Variants in PRELID2 observed in about 807,000 individuals in gnomAD.
The protein encoded by PRELID2 is PRELI domain-containing protein 2.
In PRELID2, 25 loss-of-function variants were observed where a neutral mutation model predicts 28.4. That is an observed-to-expected ratio of 0.88 (90% CI 0.64 to 1.23). The LOEUF is 1.23. PRELID2 is among the 50% of genes most tolerant of loss of function. The pLI is 0.00. For synonymous variants in PRELID2, 76 were observed against 71.6 expected (o/e 1.06, Z -0.31); for missense variants, 201 against 214.4 (o/e 0.94, Z 0.39).
intron 1 of PRELID2, among the ~76,000 whole-genome samples, chr5:145,670,985 T>C (rs1204365873): frequency 1.3e-5 from 2 of 152,190 alleles, no homozygotes; most frequent in Non-Finnish European, 2.9e-5. Flanking sequence ...TCTCTGAGCA[T>C]CAATTATTTC....
intron 1 of PRELID2, among the ~76,000 whole-genome samples, chr5:145,568,217 G>A (rs1291845461): frequency 6.6e-6 from 1 of 152,180 alleles, no homozygotes; most frequent in Non-Finnish European, 1.5e-5. Flanking sequence ...AGGGAGTGAG[G>A]AAGAGGCCAA....
intron 5 of PRELID2, 80 bp downstream of exon 5, chr5:145,796,362 A>G: frequency 1.2e-6 from 1 of 807,132 alleles, no homozygotes; most frequent in South Asian, 1.8e-5. Context: ...ATGTCTGCTC[A>G]TGAGTCTTAT....
At chr5:145,720,394 G>C (rs1755955530) in intron 1 of PRELID2, among the ~76,000 whole-genome samples, 1 of 151,662 alleles carries the variant, frequency 6.6e-6, no homozygotes, top group African/African-American at 2.4e-5. Context: ...CAACAGAATT[G>C]TTAGCATCAG....
In PRELID2 at chr5:145,738,454, C is replaced by T. The variant is rs573318431; in HGVS notation, n.70+26477G>A. ...TAAGCAATTACAAACACACTTGAAA[C>T]CAATGAAAGTAGAAAATGTGAGCAA... On this transcript the variant is annotated intron_variant and non_coding_transcript_variant, in intron 1 of 2. Transcript: ENST00000510259. 4.0e-5 allele frequency among the ~76,000 whole-genome samples: 6 copies of T among 151,834 alleles called. No individual in the cohort carries two copies. The South Asian group carries it at 1.3e-3, about 32-fold the overall frequency.
At chr5:145,500,450 G>T (rs1029451768) in intron 1 of PRELID2, among the ~76,000 whole-genome samples, 2 of 152,010 alleles carry the variant, frequency 1.3e-5, no homozygotes, top group African/African-American at 4.8e-5. Flanking sequence ...CACTTACCCA[G>T]TTTCAAGTAT....
chr5:145,610,258 G>C (rs1337374215), intron 1 of PRELID2, among the ~76,000 whole-genome samples: 2 of 152,110 alleles, frequency 1.3e-5, no homozygotes, highest in African/African-American at 4.8e-5. Flanking sequence ...GGCCAGCTTT[G>C]CTCCTCCCTG....
chr5:145,504,630 C>T (rs1405409907), intron 1 of PRELID2, among the ~76,000 whole-genome samples: 3 of 152,122 alleles, frequency 2.0e-5, no homozygotes, highest in Non-Finnish European at 4.4e-5. Flanking sequence ...CTGAACTCAT[C>T]AGCTAAGTAC....
intron 1 of PRELID2, among the ~76,000 whole-genome samples, chr5:145,612,332 A>T (rs993889895): frequency 6.6e-6 from 1 of 152,204 alleles, no homozygotes; most frequent in Non-Finnish European, 1.5e-5. Context: ...TTTCCATCCA[A>T]AACACAAACA....
intron 1 of PRELID2, among the ~76,000 whole-genome samples, chr5:145,733,155 G>C (rs114463678): frequency 6.6e-6 from 1 of 151,902 alleles, no homozygotes; most frequent in African/African-American, 2.4e-5. Flanking sequence ...CTCGCTACTC[G>C]AGAGGCTGAG....
At chr5:145,261,228 T>C in the PRELID2 span, among the ~76,000 whole-genome samples, 1 of 152,188 alleles carries the variant, frequency 6.6e-6, no homozygotes, top group African/African-American at 2.4e-5. Flanking sequence ...GGTCTTTCTC[T>C]TGGTAGTCAA....
At chr5:145,542,015 A>T (rs887160035) in intron 1 of PRELID2, among the ~76,000 whole-genome samples, 1 of 152,128 alleles carries the variant, frequency 6.6e-6, no homozygotes, top group African/African-American at 2.4e-5. Context: ...GGTTTGGGGG[A>T]AATTAATATA....
At chr5:145,239,694 A>G in the PRELID2 span, among the ~76,000 whole-genome samples, 2 of 152,062 alleles carry the variant, frequency 1.3e-5, no homozygotes, top group Non-Finnish European at 2.9e-5. Flanking sequence ...TAAGTTATCC[A>G]TGGAGATATT....
At chr5:145,826,938 C>T (rs1755233225) in intron 1 of PRELID2, among the ~76,000 whole-genome samples, 1 of 152,062 alleles carries the variant, frequency 6.6e-6, no homozygotes, top group South Asian at 2.1e-4. Flanking sequence ...GCTCAAAAGC[C>T]AATGCCTTTT....
intron 1 of PRELID2, among the ~76,000 whole-genome samples, chr5:145,746,790 A>C (rs1282956054): frequency 6.6e-6 from 1 of 152,002 alleles, no homozygotes; most frequent in African/African-American, 2.4e-5. Flanking sequence ...GAAGTAAAAA[A>C]CTCCTGAGCA....
At chr5:145,289,494 A>C in the PRELID2 span, among the ~76,000 whole-genome samples, 1 of 152,076 alleles carries the variant, frequency 6.6e-6, no homozygotes, top group Non-Finnish European at 1.5e-5. Flanking sequence ...TTGTGCATCC[A>C]TTTGTTTAAG....
the PRELID2 span, among the ~76,000 whole-genome samples, chr5:145,336,099 T>C: frequency 3.9e-5 from 6 of 152,262 alleles, no homozygotes; most frequent in South Asian, 2.1e-4. Context: ...TCATGTCCTT[T>C]GCCCACTTTC....
chr5:145,776,960 T>A (rs561458461), intron 5 of PRELID2, among the ~76,000 whole-genome samples: 13 of 152,358 alleles, frequency 8.5e-5, no homozygotes, highest in African/African-American at 2.9e-4. Flanking sequence ...CTTGTATTTT[T>A]AAAAAATTCA....
chr5:145,832,666 T>A (rs1755675618), intron 1 of PRELID2, among the ~76,000 whole-genome samples: 2 of 152,090 alleles, frequency 1.3e-5, no homozygotes, highest in African/African-American at 2.4e-5. Context: ...TGGTCCTCAG[T>A]TTCTCTATAT....
the PRELID2 span, among the ~76,000 whole-genome samples, chr5:145,395,013 T>A: frequency 0.046 from 6,936 of 152,226 alleles, 265 homozygotes; most frequent in South Asian, 0.17. Flanking sequence ...GCCATGTTAT[T>A]CCCCTTAAAC....
Sources: allele counts gnomAD v4.1 joint callset (sites outside exome capture counted in the v4.1 genomes callset), GRCh38; gene constraint gnomAD v4.1.1; transcripts MANE v1.5; gene names NCBI Gene and HGNC (gene_info 2026-07-23, HGNC 2026-07-21).